The following LDB2 variants were observed in gnomAD, a reference collection of about 807,000 sequenced individuals.
LDB2 encodes the protein LIM domain-binding protein 2.
LDB2 carries 12 observed loss-of-function variants against 44.3 expected under a neutral mutation model. That is an observed-to-expected ratio of 0.27 (90% CI 0.17 to 0.44). LDB2 has a LOEUF of 0.44. Ranked by LOEUF, LDB2 falls within the 20% of genes least tolerant of loss-of-function variation. The pLI, the probability that LDB2 is intolerant of heterozygous loss-of-function variation, is 1.00. For missense variants in LDB2, 344 were observed against 473.5 expected, an observed-to-expected ratio of 0.73 and a Z score of 2.54; for synonymous variants, 164 against 174.8, an observed-to-expected ratio of 0.94 and a Z score of 0.49.
At chr4:16,895,316 T>G (rs1258578734) in intron 1 of LDB2, among the ~76,000 whole-genome samples, 2 of 151,974 alleles carry the variant, frequency 1.3e-5, no homozygotes, top group Non-Finnish European at 2.9e-5. Flanking sequence ...AAGAAATGCA[T>G]GGATCCCCAT....
At chr4:16,614,611 C>G (rs1032388761) in intron 2 of LDB2, among the ~76,000 whole-genome samples, 3 of 148,718 alleles carry the variant, frequency 2.0e-5, no homozygotes, top group African/African-American at 7.4e-5. Context: ...ACAAGCAACC[C>G]CATCAAAAAA....
chr4:16,517,017 C>T (rs568137114), intron 5 of LDB2, among the ~76,000 whole-genome samples: 10 of 152,334 alleles, frequency 6.6e-5, no homozygotes, highest in African/African-American at 2.4e-4. Context: ...AGCCTGTCTT[C>T]TTTGGCAGTA....
chr4:16,896,294 G>A (rs1038005146), intron 1 of LDB2, among the ~76,000 whole-genome samples: 3 of 152,124 alleles, frequency 2.0e-5, no homozygotes, highest in Non-Finnish European at 4.4e-5. Flanking sequence ...GAATTCCTGA[G>A]TTTAGCTCTC....
rs115713396 is a variant in LDB2, at chr4:16,700,632, G to A, written c.235+58526C>T. Reference sequence around the variant, plus strand: ...ATTGAATCAAGACAAGATACGCTGGGCAGAAGCCAGACCCTGTGGTGAGAA... The same window carrying A: ...ATTGAATCAAGACAAGATACGCTGGACAGAAGCCAGACCCTGTGGTGAGAA... On this transcript the variant is annotated intron_variant, in intron 2 of 7. Coordinates refer to ENST00000304523, the MANE Select transcript of LDB2 (RefSeq NM_001290.5). Among the ~76,000 whole-genome samples, 1,517 of 152,258 alleles carry A rather than the reference G, an allele frequency of 1.0e-2. 32 individuals carry two copies. Among genetic ancestry groups the A allele is most frequent in the African/African-American group, 0.035 (1,445 of 41,534 alleles).
intron 1 of LDB2, among the ~76,000 whole-genome samples, chr4:16,800,006 T>C (rs1409551824): frequency 6.6e-6 from 1 of 152,182 alleles, no homozygotes; most frequent in Non-Finnish European, 1.5e-5. Flanking sequence ...CAAATGGTAT[T>C]ATATACCGAG....
At chr4:16,897,946 GTATA>G (rs35836810) in intron 1 of LDB2, among the ~76,000 whole-genome samples, 1,174 of 27,626 alleles carry the variant, frequency 0.042, 28 homozygotes, top group African/African-American at 0.11. Context: ...ATACACATAT[GTATA>G]TATATATATA....
At chr4:16,781,987 T>C (rs1267698381) in intron 1 of LDB2, among the ~76,000 whole-genome samples, 1 of 152,170 alleles carries the variant, frequency 6.6e-6, no homozygotes, top group Non-Finnish European at 1.5e-5. Context: ...AGGCTGCTGA[T>C]TTCTAGACTC....
chr4:16,758,666 C>A (rs1767202140), intron 2 of LDB2, among the ~76,000 whole-genome samples: 1 of 152,128 alleles, frequency 6.6e-6, no homozygotes, highest in Admixed American at 6.6e-5. Flanking sequence ...ACTGTATGTT[C>A]AAAGCAACTG....
At chr4:16,758,582 A>C (rs1767174810) in intron 2 of LDB2, among the ~76,000 whole-genome samples, 1 of 152,212 alleles carries the variant, frequency 6.6e-6, no homozygotes, top group South Asian at 2.1e-4. Flanking sequence ...CACACGCTGT[A>C]ATTTGAGGAT....
At chr4:16,719,251 A>G (rs1461312737) in intron 2 of LDB2, among the ~76,000 whole-genome samples, 1 of 152,144 alleles carries the variant, frequency 6.6e-6, no homozygotes, top group Non-Finnish European at 1.5e-5. Flanking sequence ...TTACTCCTTC[A>G]GTAAAGGCTA....
At chr4:16,662,042 A>G (rs1741730307) in intron 2 of LDB2, among the ~76,000 whole-genome samples, 2 of 152,164 alleles carry the variant, frequency 1.3e-5, no homozygotes. Flanking sequence ...CCCTTTCTAT[A>G]GGGCACAGGT....
chr4:16,790,556 T>A (rs908392912), intron 1 of LDB2, among the ~76,000 whole-genome samples: 3 of 152,212 alleles, frequency 2.0e-5, no homozygotes, highest in Non-Finnish European at 4.4e-5. Flanking sequence ...TTTGTGTACG[T>A]ACACTCCATG....
intron 2 of LDB2, among the ~76,000 whole-genome samples, chr4:16,681,765 G>A (rs981973206): frequency 7.9e-5 from 12 of 151,764 alleles, no homozygotes; most frequent in African/African-American, 2.9e-4. Context: ...TAGAGACGGG[G>A]TTTCACCGTG....
chr4:16,816,029 G>A (rs1484084735), intron 1 of LDB2, among the ~76,000 whole-genome samples: 4 of 152,162 alleles, frequency 2.6e-5, no homozygotes, highest in African/African-American at 9.7e-5. Context: ...CCAACATGGT[G>A]AAACCCTGTC....
intron 1 of LDB2, among the ~76,000 whole-genome samples, chr4:16,806,536 T>C (rs1778825331): frequency 6.6e-6 from 1 of 152,176 alleles, no homozygotes; most frequent in African/African-American, 2.4e-5. Flanking sequence ...AGCCCTGCCA[T>C]TAAGTGAGCA....
chr4:16,849,609 T>C (rs1037148275), intron 1 of LDB2, among the ~76,000 whole-genome samples: 1 of 152,212 alleles, frequency 6.6e-6, no homozygotes, highest in Non-Finnish European at 1.5e-5. Context: ...GTCCAATTGA[T>C]GTATTAACTC....
intron 2 of LDB2, among the ~76,000 whole-genome samples, chr4:16,706,478 T>G (rs1349315630): frequency 6.6e-6 from 1 of 152,194 alleles, no homozygotes; most frequent in African/African-American, 2.4e-5. Flanking sequence ...ATTCTAGAAC[T>G]GCGAGAAATA....
chr4:16,707,533 G>A (rs4698508), intron 2 of LDB2, among the ~76,000 whole-genome samples: 15,299 of 152,116 alleles, frequency 0.1, 979 homozygotes, highest in Admixed American at 0.17. Context: ...TGATAATTTC[G>A]AGGGTTAATT....
At chr4:16,516,180 A>C (rs1429199182) in intron 5 of LDB2, among the ~76,000 whole-genome samples, 1 of 151,956 alleles carries the variant, frequency 6.6e-6, no homozygotes, top group Non-Finnish European at 1.5e-5. Flanking sequence ...ATGGATTTTG[A>C]CTCTCACTAG....
Sources: gnomAD v4.1 joint callset for allele counts (sites outside exome capture counted in the v4.1 genomes callset) on GRCh38, gnomAD v4.1.1 for gene constraint, MANE v1.5 for transcripts, NCBI Gene and HGNC (gene_info 2026-07-23, HGNC 2026-07-21) for gene names.